Variants in PTH2R observed in about 807,000 individuals in gnomAD.
The protein encoded by PTH2R is parathyroid hormone 2 receptor.
PTH2R carries 59 observed loss-of-function variants against 60.3 expected under a neutral mutation model. The observed-to-expected ratio is 0.98, with a 90% CI of 0.79 to 1.22. The LOEUF (loss-of-function observed/expected upper bound fraction) is 1.22. PTH2R is among the 50% of genes most tolerant of loss of function. PTH2R has a pLI of 0.00. For missense variants in PTH2R, 749 were observed against 682.6 expected, an observed-to-expected ratio of 1.10 and a Z score of -1.08; for synonymous variants, 256 against 243.8, an observed-to-expected ratio of 1.05 and a Z score of -0.47.
intron 1 of PTH2R, among the ~76,000 whole-genome samples, chr2:208,365,053 TG>T (rs917257020): frequency 6.9e-6 from 1 of 144,684 alleles, no homozygotes; most frequent in Non-Finnish European, 1.5e-5. Flanking sequence ...TGTTCTAACC[TG>T]TTTTTTTTTT....
chr2:208,467,362 G>T (rs1331097402), intron 9 of PTH2R, among the ~76,000 whole-genome samples: 1 of 151,948 alleles, frequency 6.6e-6, no homozygotes, highest in Non-Finnish European at 1.5e-5. Context: ...CTCCACAAAG[G>T]TAATACAGAA....
rs527902617 is a variant in PTH2R, at chr2:208,421,417, G to T, written c.76-6784G>T. On this transcript the variant is annotated intron_variant, in intron 1 of 12. Transcript: ENST00000272847. ...TCTGTGTGAGTATGCATGCTTCCTT[G>T]TGTGTGTTTGTATATATATTTATGA... 6.9e-4 allele frequency among the ~76,000 whole-genome samples: 105 copies of T among 151,870 alleles called. 1 individual carries two copies. The highest frequency in any genetic ancestry group is 3.4e-3 in the Middle Eastern group (1 of 294).
At chr2:208,409,117 TTATATC>T (rs1471474742) in intron 1 of PTH2R, among the ~76,000 whole-genome samples, 1 of 152,164 alleles carries the variant, frequency 6.6e-6, no homozygotes, top group African/African-American at 2.4e-5. Context: ...GGATTTCCAT[TTATATC>T]TATAGATTAT....
chr2:208,397,782 CAT>C (rs1049495556), intron 1 of PTH2R, among the ~76,000 whole-genome samples: 12 of 152,164 alleles, frequency 7.9e-5, no homozygotes, highest in Non-Finnish European at 1.5e-4. Context: ...ATGTTCTACA[CAT>C]GTGGGGATAT....
intron 9 of PTH2R, 68 bp downstream of exon 9, chr2:208,460,029 A>C: frequency 7.4e-7 from 1 of 1,348,416 alleles, no homozygotes; most frequent in South Asian, 1.2e-5. Context: ...ACCCAGAGAA[A>C]GTGTGTCTGT....
chr2:208,365,638 GT>G (rs1317827178), intron 1 of PTH2R, among the ~76,000 whole-genome samples: 1 of 150,988 alleles, frequency 6.6e-6, no homozygotes, highest in Non-Finnish European at 1.5e-5. Flanking sequence ...ATTTTTTCTT[GT>G]AGTATTTTTG....
intron 9 of PTH2R, among the ~76,000 whole-genome samples, chr2:208,475,108 T>A (rs574976177): frequency 8.5e-4 from 129 of 152,304 alleles, no homozygotes; most frequent in African/African-American, 3.1e-3. Flanking sequence ...TTAAATCCAT[T>A]TCTTTGGAGA....
intron 1 of PTH2R, among the ~76,000 whole-genome samples, chr2:208,364,725 T>C (rs1308217938): frequency 6.6e-6 from 1 of 152,232 alleles, no homozygotes; most frequent in African/African-American, 2.4e-5. Flanking sequence ...GGAATTTTGA[T>C]AAGGATTGAA....
chr2:208,413,539 A>C (rs892856533), intron 1 of PTH2R, among the ~76,000 whole-genome samples: 4 of 152,244 alleles, frequency 2.6e-5, no homozygotes, highest in Admixed American at 6.5e-5. Flanking sequence ...TGATTTCAAT[A>C]GTGCAAGAAC....
chr2:208,392,591 G>C (rs1430116128), intron 1 of PTH2R, among the ~76,000 whole-genome samples: 1 of 152,182 alleles, frequency 6.6e-6, no homozygotes, highest in Non-Finnish European at 1.5e-5. Context: ...TAATAAAGGA[G>C]TGGGACTTTT....
At chr2:208,452,856 C>T (rs1389895469) in intron 8 of PTH2R, among the ~76,000 whole-genome samples, 2 of 152,164 alleles carry the variant, frequency 1.3e-5, no homozygotes, top group East Asian at 1.9e-4. Flanking sequence ...TGCACAGCCA[C>T]GAATGGTAGA....
intron 7 of PTH2R, among the ~76,000 whole-genome samples, chr2:208,448,428 A>C (rs1406637055): frequency 6.6e-6 from 1 of 151,848 alleles, no homozygotes; most frequent in Non-Finnish European, 1.5e-5. Context: ...AGGTGGGCGG[A>C]TCATGAGGTC....
intron 1 of PTH2R, among the ~76,000 whole-genome samples, chr2:208,390,405 A>G (rs1277345818): frequency 6.6e-6 from 1 of 152,198 alleles, no homozygotes; most frequent in Non-Finnish European, 1.5e-5. Flanking sequence ...AAGCCAATAA[A>G]GGGAACCCCA....
At chr2:208,442,328 G>T in intron 4 of PTH2R, 36 bp from the exon 5 acceptor site, 6 of 1,414,716 alleles carry the variant, frequency 4.2e-6, no homozygotes, top group Non-Finnish European at 6.0e-6. Flanking sequence ...TGGTAAAATA[G>T]TCCCATATCA....
intron 1 of PTH2R, among the ~76,000 whole-genome samples, chr2:208,395,193 G>A (rs941679014): frequency 4.6e-5 from 7 of 151,842 alleles, no homozygotes; most frequent in Admixed American, 2.6e-4. Context: ...GACTACATGC[G>A]CCCGCCACCA....
At chr2:208,435,678 C>T (rs780578461) in intron 2 of PTH2R, among the ~76,000 whole-genome samples, 1 of 152,148 alleles carries the variant, frequency 6.6e-6, no homozygotes, top group Non-Finnish European at 1.5e-5. Context: ...GCTGAATTCT[C>T]CCAACCACCC....
At chr2:208,488,941 T>C (rs62193699) in intron 10 of PTH2R, 71 bp from the exon 11 acceptor site, 22 of 1,417,430 alleles carry the variant, frequency 1.6e-5, no homozygotes, top group Non-Finnish European at 2.0e-5. Flanking sequence ...GTTTTTTTTT[T>C]CCTCCAGCAC....
At chr2:208,473,789 A>C (rs921212648) in intron 9 of PTH2R, among the ~76,000 whole-genome samples, 5 of 152,224 alleles carry the variant, frequency 3.3e-5, no homozygotes, top group African/African-American at 1.2e-4. Context: ...AGCATGCCAC[A>C]TGTAGGTACC....
At chr2:208,412,713 T>G (rs73983777) in intron 1 of PTH2R, among the ~76,000 whole-genome samples, 3,558 of 152,286 alleles carry the variant, frequency 0.023, 135 homozygotes, top group African/African-American at 0.081. Flanking sequence ...TTTTATCATG[T>G]CAAGAGTATA....
Sources: gnomAD v4.1 joint callset for allele counts (sites outside exome capture counted in the v4.1 genomes callset) on GRCh38, gnomAD v4.1.1 for gene constraint, MANE v1.5 for transcripts, NCBI Gene and HGNC (gene_info 2026-07-23, HGNC 2026-07-21) for gene names.